Variants in MAPK3 observed in about 807,000 individuals in gnomAD.
The protein encoded by MAPK3 is mitogen-activated protein kinase 3.
In MAPK3, 30 loss-of-function variants were observed where a neutral mutation model predicts 41.8. The observed-to-expected ratio is 0.72, with a 90% CI of 0.54 to 0.97. The LOEUF (loss-of-function observed/expected upper bound fraction) is 0.97. Ranked by LOEUF, MAPK3 falls within the 50% of genes least tolerant of loss-of-function variation. The pLI is 0.00. For synonymous variants in MAPK3, 222 were observed against 213.4 expected, an observed-to-expected ratio of 1.04 and a Z score of -0.35; for missense variants, 413 against 509.9, an observed-to-expected ratio of 0.81 and a Z score of 1.83.
At chr16:30,116,368 T>A (rs1409825322) in intron 8 of MAPK3, among the ~76,000 whole-genome samples, 1 of 151,712 alleles carries the variant, frequency 6.6e-6, no homozygotes, top group Non-Finnish European at 1.5e-5. Flanking sequence ...TAGATGGGAT[T>A]TCACCATGCA....
rs537841142 is a variant in MAPK3, at chr16:30,119,116, C to T, written c.354-578G>A. 6.7e-5 allele frequency among the ~76,000 whole-genome samples: 10 copies of T among 149,938 alleles called. 1 individual carries two copies. Among genetic ancestry groups the T allele is most frequent in the Admixed American group, 3.4e-4 (5 of 14,924 alleles). ...AAGATTGTGTCACTGCACTGCAGCC[C>T]GGATGACAGAGTGAGACTCTGTCTC... On this transcript the variant is annotated intron_variant, in intron 2 of 8. Coordinates refer to ENST00000263025, the MANE Select transcript of MAPK3 (RefSeq NM_002746.3).
Position 30,116,605 on chromosome 16 carries a change from G to A in MAPK3, c.*32+31C>T, listed in dbSNP as rs1016832966. ...ACAGATATAGATATTTAGTATCAGG[G>A]TGTCCATGTGTGGGCCATGGAGACA... On this transcript the variant is annotated intron_variant, in intron 8 of 8. Coordinates refer to ENST00000263025, the MANE Select transcript of MAPK3 (RefSeq NM_002746.3). The A allele has an allele frequency of 7.5e-6, 12 of 1,595,114 alleles. No individual in the cohort carries two copies. In the African/African-American group the frequency reaches 1.6e-4, roughly 21 times the overall value.
intron 2 of MAPK3, among the ~76,000 whole-genome samples, chr16:30,120,025 C>T (rs1420450518): frequency 1.3e-5 from 2 of 152,072 alleles, no homozygotes; most frequent in Non-Finnish European, 2.9e-5. Context: ...AAAAATTAGC[C>T]GGGCGTGGTG....
At chr16:30,117,903 G>A in intron 4 of MAPK3, 119 bp from the exon 5 acceptor site, 1 of 1,072,778 alleles carries the variant, frequency 9.3e-7, no homozygotes, top group East Asian at 2.4e-5. Flanking sequence ...AGGCCTGGAG[G>A]GCTCAATGCT....
chr16:30,117,847 C>T, intron 4 of MAPK3, 63 bp from the exon 5 acceptor site: 1 of 1,323,150 alleles, frequency 7.6e-7, no homozygotes, highest in Non-Finnish European at 1.1e-6. Flanking sequence ...GTTGTCTGCG[C>T]CAGGCCACCA....
intron 2 of MAPK3, 32 bp from the exon 3 acceptor site, chr16:30,118,570 G>C: frequency 6.3e-7 from 1 of 1,580,440 alleles, no homozygotes; most frequent in Non-Finnish European, 8.6e-7. Context: ...CCCCCAGGCA[G>C]GGGGCAGTGG....
rs2151048588 is a variant in MAPK3 at position 30,123,023 on chromosome 16, C to A, written c.170+17G>T. 6.7e-7 allele frequency: 1 copy of A among 1,502,422 alleles called. No homozygotes were observed. The highest frequency in any genetic ancestry group is 2.7e-5 in the East Asian group (1 of 36,580). The allele number at this position is 1,502,422 out of a possible 1,614,324, so 93.1% of individuals were successfully genotyped here. ...CCCTCCCCTGAGGGCACCCCCTCCC[C>A]CGGAACGCCCCCTCACCTGACCATG... On this transcript the variant is annotated intron_variant, in intron 1 of 8. Coordinates refer to ENST00000263025, the MANE Select transcript of MAPK3 (RefSeq NM_002746.3).
At chr16:30,120,123 TG>T (rs1208915572) in intron 2 of MAPK3, among the ~76,000 whole-genome samples, 2 of 152,154 alleles carry the variant, frequency 1.3e-5, no homozygotes, top group Admixed American at 1.3e-4. Context: ...GAGCTGAGAT[TG>T]AGCCACTGCA....
At chr16:30,122,173 G>T in intron 1 of MAPK3, 167 bp from the exon 2 acceptor site, 1 of 670,806 alleles carries the variant, frequency 1.5e-6, no homozygotes, top group Non-Finnish European at 2.5e-6. Flanking sequence ...GATCTCCAGA[G>T]AGAAAGCTGG....
intron 4 of MAPK3, 94 bp from the exon 5 acceptor site, chr16:30,117,878 C>A (rs919294134): frequency 1.7e-6 from 2 of 1,156,772 alleles, no homozygotes; most frequent in South Asian, 1.3e-5. Flanking sequence ...AGATCCAACA[C>A]CAGGCAGAAG....
rs2073033171 is a variant in MAPK3, at chr16:30,123,033, C to T, written c.170+7G>A. 1.3e-6 allele frequency: 2 copies of T among 1,546,766 alleles called. No homozygotes were observed. The highest frequency in any genetic ancestry group is 8.7e-7 in the Non-Finnish European group (1 of 1,147,746). On this transcript the variant is annotated splice_region_variant and intron_variant, in intron 1 of 8. Transcript: ENST00000263025. ...AGGGCACCCCCTCCCCCGGAACGCC[C>T]CCTCACCTGACCATGCCGTACGCGC...
chr16:30,121,390 G>C (rs191955048), intron 2 of MAPK3, among the ~76,000 whole-genome samples: 3 of 152,168 alleles, frequency 2.0e-5, no homozygotes, highest in African/African-American at 7.2e-5. Flanking sequence ...GATTACAGGC[G>C]TGAGCCACCA....
At chr16:30,117,347 A>C in intron 5 of MAPK3, 62 bp from the exon 6 acceptor site, 1 of 1,568,060 alleles carries the variant, frequency 6.4e-7, no homozygotes, top group Non-Finnish European at 8.7e-7. Context: ...CAGAATAGGC[A>C]ACAAGGCAAG....
intron 1 of MAPK3, 134 bp downstream of exon 1, chr16:30,122,906 C>G: frequency 1.2e-6 from 1 of 810,428 alleles, no homozygotes. Context: ...GGGACGCTCC[C>G]GATCATCCCG....
chr16:30,121,032 G>A (rs942196496), intron 2 of MAPK3, among the ~76,000 whole-genome samples: 1 of 151,682 alleles, frequency 6.6e-6, no homozygotes. Flanking sequence ...GGGTAGTTGG[G>A]AGGTGTAATA....
chr16:30,121,800 C>T, intron 2 of MAPK3, 24 bp downstream of exon 2: 1 of 1,606,872 alleles, frequency 6.2e-7, no homozygotes. Flanking sequence ...GCCTGACCAG[C>T]CGACTGGCCA....
At chr16:30,122,907 G>A in intron 1 of MAPK3, 133 bp downstream of exon 1, 2 of 764,848 alleles carry the variant, frequency 2.6e-6, no homozygotes, top group African/African-American at 3.7e-5. Context: ...GGACGCTCCC[G>A]ATCATCCCGA....
intron 8 of MAPK3, among the ~76,000 whole-genome samples, chr16:30,116,172 C>G (rs1223147144): frequency 6.6e-6 from 1 of 150,578 alleles, no homozygotes; most frequent in Admixed American, 6.7e-5. Flanking sequence ...GTAGCTGGGA[C>G]TAGAAGCGCA....
At chr16:30,117,042 G>A in intron 6 of MAPK3, 39 bp from the exon 7 acceptor site, 4 of 1,593,382 alleles carry the variant, frequency 2.5e-6, no homozygotes, top group Non-Finnish European at 3.4e-6. Flanking sequence ...AGGGAAGACT[G>A]GAGGAGCTCC....
Sources: allele counts gnomAD v4.1 joint callset (sites outside exome capture counted in the v4.1 genomes callset), GRCh38; gene constraint gnomAD v4.1.1; transcripts MANE v1.5; gene names NCBI Gene and HGNC (gene_info 2026-07-23, HGNC 2026-07-21).